The following MAST1 variants were observed in gnomAD, a reference collection of about 807,000 sequenced individuals.
MAST1 encodes microtubule-associated serine/threonine-protein kinase 1.
MAST1 carries 40 observed loss-of-function variants against 124.6 expected under a neutral mutation model. That is an observed-to-expected ratio of 0.32 (90% confidence interval 0.25 to 0.42). The LOEUF (loss-of-function observed/expected upper bound fraction) is 0.42. MAST1 is among the 10% of genes least tolerant of loss of function. MAST1 has a pLI of 1.00. For synonymous variants in MAST1, 938 were observed against 939.4 expected (o/e 1.00, Z 0.03); for missense variants, 1,558 against 2,181.9 (o/e 0.71, Z 5.70).
rs1311679532 is a variant in MAST1 at position 12,874,920 on chromosome 19, C to A, written c.*50C>A. 2 of 1,543,692 alleles carry A rather than the reference C, an allele frequency of 1.3e-6. No individual in the cohort carries two copies. Among genetic ancestry groups the A allele is most frequent in the Non-Finnish European group, 1.7e-6 (2 of 1,147,934 alleles). On this transcript the variant is annotated 3_prime_UTR_variant, in exon 26 of 26. Transcript: ENST00000251472. The surrounding 1 kb of genome is among the most constrained non-coding windows in gnomAD (Gnocchi z 6.6). ...TGTACAGCCTCCGTATACATATGTA[C>A]ACATATAAATAAAGTGCGTCCGTGC...
chr19:12,865,238 C>T lies in MAST1; in HGVS notation c.1638+60C>T. ...AGTGACCCTGCAGGACCTCGGGAAC[C>T]CAGGGCCTGGTGGGGGGCACAGCTC... is the stretch of plus-strand genomic sequence containing the variant. On this transcript the variant is annotated intron_variant, in intron 14 of 25. Transcript: ENST00000251472. This position sits in a 1 kb window ranked among gnomAD's most constrained non-coding sequence, Gnocchi z 7.1. The T allele has an allele frequency of 6.3e-7, 1 of 1,592,118 alleles. No individual in the cohort carries two copies. Among genetic ancestry groups the T allele is most frequent in the Middle Eastern group, 1.7e-4 (1 of 5,918 alleles).
At chr19:12,871,396 C>G (rs1049149201) in intron 24 of MAST1, among the ~76,000 whole-genome samples, 2 of 152,130 alleles carry the variant, frequency 1.3e-5, no homozygotes, top group Non-Finnish European at 2.9e-5. Flanking sequence ...ATCACGAGGT[C>G]AGGAGTTTGA....
At chr19:12,842,544 C>T (rs1356373099) in intron 3 of MAST1, among the ~76,000 whole-genome samples, 1 of 152,156 alleles carries the variant, frequency 6.6e-6, no homozygotes, top group Non-Finnish European at 1.5e-5. Flanking sequence ...CCACCCGCCT[C>T]GGCCTCCCAA....
chr19:12,850,743 A>T (rs562122847), intron 7 of MAST1, among the ~76,000 whole-genome samples: 2 of 151,520 alleles, frequency 1.3e-5, no homozygotes, highest in African/African-American at 2.4e-5. Context: ...TTTCTTTTTC[A>T]TTTGAGATGG....
Position 12,861,970 on chromosome 19 carries a change from G to C in MAST1, c.1367-2839G>C, listed in dbSNP as rs1164677212. On this transcript the variant is annotated intron_variant, in intron 12 of 25. Transcript: ENST00000251472. ...TCTGCCTCGGCCTCCCAAAGTGCTG[G>C]GATTACAGGAGTGAGCCACCGTGCC... 2.7e-5 allele frequency among the ~76,000 whole-genome samples: 4 copies of C among 149,514 alleles called. No homozygotes were observed. The Admixed American group carries it at 2.7e-4, about 10-fold the overall frequency.
rs201477404 is a variant in MAST1 at position 12,868,749 on chromosome 19, G to A, written c.2673G>A (p.Gln891=). Residue 891 remains glutamine, a synonymous_variant, in exon 21 of 26, where the codon CAG becomes CAA. Coordinates refer to ENST00000251472, the MANE Select transcript of MAST1 (RefSeq NM_014975.3). ...DLVLRRARHQ[Q]MSGDVAVEKR... ...TTCTGCGCCGGGCGCGGCACCAGCA[G>A]ATGTCAGGGGATGTGGCAGTAGAGA... 3 of 1,612,682 alleles carry A rather than the reference G, an allele frequency of 1.9e-6. No homozygotes were observed. Among genetic ancestry groups the A allele is most frequent in the Middle Eastern group, 3.3e-4 (2 of 6,080 alleles).
intron 24 of MAST1, among the ~76,000 whole-genome samples, chr19:12,872,169 G>T (rs574990837): frequency 6.6e-6 from 1 of 152,296 alleles, no homozygotes; most frequent in South Asian, 2.1e-4. Flanking sequence ...GAATGAGCAT[G>T]CCAGGCAAGG....
chr19:12,869,778 C>T (rs972220175), intron 22 of MAST1, among the ~76,000 whole-genome samples: 3 of 151,440 alleles, frequency 2.0e-5, no homozygotes, highest in South Asian at 2.1e-4. Context: ...ATAGGCCAGG[C>T]GCAGTGGCTC....
chr19:12,852,386 T>C lies in MAST1; in HGVS notation c.1068T>C (p.Asp356=), dbSNP rs775997564. The C allele has an allele frequency of 1.2e-6, 2 of 1,613,758 alleles. No homozygotes were observed. Among genetic ancestry groups the C allele is most frequent in the East Asian group, 2.2e-5 (1 of 44,852 alleles). The change falls in exon 10 of 26, where the codon GAT becomes GAC. Residue 356 remains aspartate, a synonymous_variant. Coordinates refer to ENST00000251472, the MANE Select transcript of MAST1 (RefSeq NM_014975.3). ...GTTCCAACACCCCTGAGCAAGACGATCTCTCTGAGGTAAGGCTGGGTGGCT... is the reference window on the plus strand; with the variant it reads ...GTTCCAACACCCCTGAGCAAGACGACCTCTCTGAGGTAAGGCTGGGTGGCT... The part of the protein sequence containing the change: ...SGGSNTPEQD[D]LSEGRSSKAK...
In MAST1 at chr19:12,843,494, C is replaced by T. The variant is rs760289503; in HGVS notation, c.249-35C>T. On this transcript the variant is annotated intron_variant, in intron 3 of 25. Coordinates refer to ENST00000251472, the MANE Select transcript of MAST1 (RefSeq NM_014975.3). The surrounding 1 kb of genome is among the most constrained non-coding windows in gnomAD (Gnocchi z 4.9). The stretch of plus-strand genomic sequence containing the variant: ...CTGAGGAGTTGGGGGACCGCTGGGG[C>T]CTTGTGGCCTCTGAGCACCTTGGCT... 2 of 1,582,486 alleles carry T rather than the reference C, an allele frequency of 1.3e-6. No homozygotes were observed. Among genetic ancestry groups the T allele is most frequent in the Non-Finnish European group, 1.7e-6 (2 of 1,153,972 alleles).
At chr19:12,842,908 G>C (rs1969849742) in intron 3 of MAST1, among the ~76,000 whole-genome samples, 2 of 152,170 alleles carry the variant, frequency 1.3e-5, no homozygotes. Flanking sequence ...TAGTGTGTGA[G>C]AGTGTGATAT....
chr19:12,861,783 A>C (rs1421319718), intron 12 of MAST1, among the ~76,000 whole-genome samples: 2 of 147,984 alleles, frequency 1.4e-5, no homozygotes. Context: ...GCTCACTGCA[A>C]CCTCCGCCTC....
At position 12,874,114 on chromosome 19, in the gene MAST1, C is replaced by T. The variant is rs748842906; in HGVS notation, c.3957C>T (p.Gly1319=). The change falls in exon 26 of 26, where the codon GGC becomes GGT. Residue 1319 remains glycine, a synonymous_variant. Coordinates refer to ENST00000251472, the MANE Select transcript of MAST1 (RefSeq NM_014975.3). This position sits in a 1 kb window ranked among gnomAD's most constrained non-coding sequence, Gnocchi z 6.6. ...ACGGTGAGACGCCCCCAGTCGAGGG[C>T]CTTGGCGCGCCCCGGCAGGTCGCCG... ...ESDGETPPVE[G]LGAPRQVAVR... 80 of 1,547,680 alleles carry T rather than the reference C, an allele frequency of 5.2e-5. 2 individuals carry two copies. The Admixed American group carries it at 1.2e-3, about 23-fold the overall frequency.
At chr19:12,864,408 A>T (rs1330360758) in intron 12 of MAST1, among the ~76,000 whole-genome samples, 1 of 151,976 alleles carries the variant, frequency 6.6e-6, no homozygotes, top group Non-Finnish European at 1.5e-5. Context: ...AAAAAAAAAA[A>T]AAATCTAGTG....
At chr19:12,853,971 A>G (rs1240687962) in intron 10 of MAST1, among the ~76,000 whole-genome samples, 1 of 151,250 alleles carries the variant, frequency 6.6e-6, no homozygotes, top group Non-Finnish European at 1.5e-5. Flanking sequence ...CTGTACAGCC[A>G]TTAGATCTAT....
intron 12 of MAST1, among the ~76,000 whole-genome samples, chr19:12,861,888 A>G (rs1181830509): frequency 6.6e-6 from 1 of 151,532 alleles, no homozygotes; most frequent in Non-Finnish European, 1.5e-5. Flanking sequence ...TTTTTAGTAG[A>G]GATGGGGTTT....
chr19:12,872,949 GC>G (rs1457731473), intron 24 of MAST1, among the ~76,000 whole-genome samples: 2 of 152,016 alleles, frequency 1.3e-5, no homozygotes, highest in Non-Finnish European at 2.9e-5. Flanking sequence ...AGTGTTTGTA[GC>G]CAGAATTGGG....
chr19:12,867,765 A>T lies in MAST1; in HGVS notation c.2354A>T (p.Glu785Val), dbSNP rs1292469725. ...RFSASEASFLEGEASPPLGAR... is the reference protein window; with the variant it reads ...RFSASEASFLVGEASPPLGAR... ...TCCGCGTCCGAGGCCAGTTTCCTGG[A>T]GGGAGAGGCCAGTCCCCCTTTGGGC... Residue 785 changes from glutamate to valine, a missense_variant, in exon 20 of 26, where the codon GAG becomes GTG. By Grantham distance (121) the Glu-to-Val change is moderately radical (BLOSUM62 -2). Transcript: ENST00000251472. 6.5e-7 allele frequency: 1 copy of T among 1,546,532 alleles called. No individual in the cohort carries two copies. Among genetic ancestry groups the T allele is most frequent in the Non-Finnish European group, 8.7e-7 (1 of 1,147,090 alleles).
intron 1 of MAST1, 140 bp from the exon 2 acceptor site, chr19:12,840,306 C>A: frequency 1.6e-6 from 1 of 635,410 alleles, no homozygotes; most frequent in Non-Finnish European, 2.8e-6. Flanking sequence ...CACCTTTCTT[C>A]GAGAAACCCT....
Sources: allele counts gnomAD v4.1 joint callset (sites outside exome capture counted in the v4.1 genomes callset), GRCh38; gene constraint gnomAD v4.1.1; non-coding constraint Gnocchi (gnomAD v3.1); transcripts MANE v1.5; gene names NCBI Gene and HGNC (gene_info 2026-07-23, HGNC 2026-07-21).